Variants in GRAMD1B observed in about 807,000 individuals in gnomAD.
GRAMD1B encodes the protein protein Aster-B.
In GRAMD1B, 37 loss-of-function variants were observed where a neutral mutation model predicts 99.7. That is an observed-to-expected ratio of 0.37 (90% CI 0.29 to 0.49). The LOEUF (loss-of-function observed/expected upper bound fraction) is 0.49. GRAMD1B is among the 20% of genes least tolerant of loss of function. GRAMD1B has a pLI of 0.98. For synonymous variants in GRAMD1B, 427 were observed against 387.6 expected (o/e 1.10, Z -1.19); for missense variants, 888 against 1,009.2 (o/e 0.88, Z 1.63).
intron 2 of GRAMD1B, among the ~76,000 whole-genome samples, chr11:123,534,632 G>T (rs1198950281): frequency 6.6e-6 from 1 of 152,168 alleles, no homozygotes; most frequent in African/African-American, 2.4e-5. Flanking sequence ...GGAGGCCGAG[G>T]CGGGTGGATC....
intron 2 of GRAMD1B, among the ~76,000 whole-genome samples, chr11:123,571,975 A>G (rs901372769): frequency 1.3e-5 from 2 of 152,160 alleles, no homozygotes; most frequent in African/African-American, 4.8e-5. Context: ...TACTGATTAT[A>G]TTAACACGGG....
intron 2 of GRAMD1B, among the ~76,000 whole-genome samples, chr11:123,555,060 G>A (rs1394869395): frequency 1.3e-5 from 2 of 152,172 alleles, no homozygotes; most frequent in African/African-American, 4.8e-5. Flanking sequence ...AACAAAAAAG[G>A]GCAGCCCCTT....
intron 17 of GRAMD1B, among the ~76,000 whole-genome samples, chr11:123,616,526 C>T (rs1407789485): frequency 2.6e-5 from 4 of 152,248 alleles, no homozygotes; most frequent in Non-Finnish European, 5.9e-5. Context: ...GCCTGCACCC[C>T]TGAGCAAATT....
chr11:123,471,440 C>T (rs111284782), intron 1 of GRAMD1B, among the ~76,000 whole-genome samples: 346 of 152,158 alleles, frequency 2.3e-3, no homozygotes, highest in African/African-American at 7.6e-3. Flanking sequence ...GAATGAGTCC[C>T]GGGAAACATT....
At chr11:123,417,458 T>C (rs960327282) in intron 1 of GRAMD1B, among the ~76,000 whole-genome samples, 2 of 152,158 alleles carry the variant, frequency 1.3e-5, no homozygotes, top group African/African-American at 4.8e-5. Flanking sequence ...TCAGGACTTA[T>C]CAAATCAGGT....
At chr11:123,556,992 G>C (rs1946250036) in intron 2 of GRAMD1B, among the ~76,000 whole-genome samples, 1 of 152,218 alleles carries the variant, frequency 6.6e-6, no homozygotes, top group Non-Finnish European at 1.5e-5. Flanking sequence ...TAATCGTTCA[G>C]AGTAGGACTC....
intron 1 of GRAMD1B, among the ~76,000 whole-genome samples, chr11:123,415,403 G>C (rs1168277774): frequency 6.6e-6 from 1 of 151,916 alleles, no homozygotes; most frequent in East Asian, 1.9e-4. Context: ...GACCAGCCAA[G>C]GCTGCCTTTT....
chr11:123,519,454 G>A (rs1422042521), intron 2 of GRAMD1B, among the ~76,000 whole-genome samples: 2 of 152,220 alleles, frequency 1.3e-5, no homozygotes, highest in East Asian at 3.9e-4. Context: ...GAAATGGAGT[G>A]TTTAGGAGGC....
intron 3 of GRAMD1B, among the ~76,000 whole-genome samples, chr11:123,583,076 CTGTG>C (rs796076019): frequency 2.7e-5 from 4 of 150,570 alleles, no homozygotes; most frequent in East Asian, 2.0e-4. Context: ...GTGTGTGTCT[CTGTG>C]TGTATGTATG....
chr11:123,588,238 C>A (rs1437580059), intron 4 of GRAMD1B, among the ~76,000 whole-genome samples: 1 of 152,134 alleles, frequency 6.6e-6, no homozygotes. Flanking sequence ...CCCTCCTTCT[C>A]GCCATCCCTG....
In GRAMD1B at chr11:123,529,985, G is replaced by GA. The variant is rs1050598266; in HGVS notation, c.453-47372dup. ...AGTGTGCTGGAAGAATTTGATTCTG[G>GA]AAAAAAAAAAGGTTGAGAGAAAGTA... On this transcript the variant is annotated intron_variant, in intron 2 of 19. Coordinates refer to ENST00000635736, the MANE Select transcript of GRAMD1B (RefSeq NM_001387025.1). Among the ~76,000 whole-genome samples the GA allele has an allele frequency of 4.9e-3, 720 of 148,042 alleles. 4 individuals carry two copies. The highest frequency in any genetic ancestry group is 0.024 in the Middle Eastern group (7 of 290).
chr11:123,599,357 C>T (rs1951669262), intron 7 of GRAMD1B: 2 of 693,120 alleles, frequency 2.9e-6, no homozygotes, highest in South Asian at 1.4e-5. Flanking sequence ...GGTCCCAGAG[C>T]ATGGACTTTT....
At position 123,577,406 on chromosome 11, in the gene GRAMD1B, G is replaced by C; in HGVS notation, c.492G>C (p.Ser164=). The C allele has an allele frequency of 6.3e-7, 1 of 1,597,194 alleles. No individual in the cohort carries two copies. Among genetic ancestry groups the C allele is most frequent in the Non-Finnish European group, 8.5e-7 (1 of 1,172,468 alleles). ...SNSNRSTPAC[S]PILRKRSRSP... ...CCAACCGCAGCACGCCGGCCTGCTC[G>C]CCCATCCTCCGGAAGCGGTCTCGCT... Residue 164 remains serine, a synonymous_variant, in exon 3 of 20, where the codon TCG becomes TCC. Coordinates refer to ENST00000635736, the MANE Select transcript of GRAMD1B (RefSeq NM_001387025.1).
intron 3 of GRAMD1B, among the ~76,000 whole-genome samples, chr11:123,583,280 TGTGTGTGTG>T (rs1031714644): frequency 6.8e-6 from 1 of 147,052 alleles, no homozygotes; most frequent in African/African-American, 2.5e-5. Flanking sequence ...TGTGTGTGCA[TGTGTGTGTG>T]GTGTGTGTGA....
intron 19 of GRAMD1B, 76 bp from the exon 20 acceptor site, chr11:123,622,430 G>T: frequency 2.3e-6 from 2 of 883,982 alleles, no homozygotes; most frequent in Non-Finnish European, 3.7e-6. Flanking sequence ...AGGCGGGTGT[G>T]GGGAGAGGGC....
intron 1 of GRAMD1B, among the ~76,000 whole-genome samples, chr11:123,379,973 C>G (rs1462907098): frequency 2.6e-5 from 4 of 152,098 alleles, no homozygotes; most frequent in Non-Finnish European, 5.9e-5. Context: ...ACTTATCGAC[C>G]ATTTGTATCT....
At chr11:123,609,759 T>C (rs1592263621) in intron 12 of GRAMD1B, 36 bp from the exon 13 acceptor site, 1 of 1,206,008 alleles carries the variant, frequency 8.3e-7, no homozygotes, top group East Asian at 2.5e-5. Context: ...GGCTCTGCCC[T>C]CCCTTCCTCA....
intron 2 of GRAMD1B, among the ~76,000 whole-genome samples, chr11:123,552,706 C>T (rs931282456): frequency 2.8e-4 from 42 of 152,186 alleles, no homozygotes; most frequent in African/African-American, 8.7e-4. Flanking sequence ...TGAATGACAT[C>T]TCGTTATACT....
In GRAMD1B at chr11:123,618,474, A is replaced by G. The variant is rs535898510; in HGVS notation, c.2319-219A>G. On this transcript the variant is annotated intron_variant, in intron 17 of 19. Coordinates refer to ENST00000635736, the MANE Select transcript of GRAMD1B (RefSeq NM_001387025.1). ...TGCATCTCTCCTTTCTAGTGCCTTC[A>G]TCCCATGCCCCTCTCCATGGCTCTC... 1.9e-5 allele frequency: 18 copies of G among 932,428 alleles called. No individual in the cohort carries two copies. In the East Asian group the frequency reaches 3.6e-4, roughly 19 times the overall value. 57.8% of individuals were successfully genotyped at this position (932,428 alleles called of 1,614,324 possible). A position where few individuals can be genotyped will look rare whatever the true frequency, so the allele number is the denominator to read the frequency against.
Sources: allele counts gnomAD v4.1 joint callset (sites outside exome capture counted in the v4.1 genomes callset), GRCh38; gene constraint gnomAD v4.1.1; transcripts MANE v1.5; gene names NCBI Gene and HGNC (gene_info 2026-07-23, HGNC 2026-07-21).